Variants in MAGEA11 observed in about 807,000 individuals in gnomAD.
MAGEA11 encodes MAGE family member A11.
Under a neutral mutation model 8.4 loss-of-function variants are expected in MAGEA11, and 1 was observed. The observed-to-expected ratio is 0.12, with a 90% CI of 0.04 to 0.57. MAGEA11 has a LOEUF of 0.57. Among genes scored for constraint, MAGEA11 ranks in the 20% least tolerant of loss-of-function variants. The probability of loss-of-function intolerance (pLI) is 0.91; values close to 1 mark genes in which losing one functional copy is unlikely to be tolerated. For synonymous variants in MAGEA11, 127 were observed against 119.3 expected (o/e 1.06, Z -0.42); for missense variants, 209 against 317.3 (o/e 0.66, Z 2.59).
chrX:149,700,602 A>G (rs1178027358), intron 1 of MAGEA11, among the ~76,000 whole-genome samples: 14 of 109,292 alleles, frequency 1.3e-4, no homozygotes, highest in Non-Finnish European at 2.7e-4. Flanking sequence ...TTTAGGGTAC[A>G]TGTGCACATT....
intron 1 of MAGEA11, among the ~76,000 whole-genome samples, chrX:149,691,175 G>C (rs1557360111): frequency 9.1e-6 from 1 of 110,188 alleles, no homozygotes; most frequent in African/African-American, 3.3e-5. Flanking sequence ...TTTTTTTTTA[G>C]TTTATTAGAT....
At chrX:149,710,356 G>C (rs2046816893), upstream of MAGEA11, among the ~76,000 whole-genome samples, 1 of 112,365 alleles carries the variant, frequency 8.9e-6, no homozygotes, top group Admixed American at 9.4e-5. Context: ...TGCAAAGATG[G>C]CAATTCTATT....
rs781929698 is a variant in MAGEA11, at chrX:149,713,115, T to A, written c.-17-28T>A. On this transcript the variant is annotated intron_variant, in intron 1 of 4. Coordinates refer to ENST00000355220, the MANE Select transcript of MAGEA11 (RefSeq NM_005366.5). ...ACAGCCCCCCCCCATAGTCCCGCCG[T>A]CTCAAACTGAGGTGCCTTTTCATTC... 7 of 1,033,526 alleles carry A rather than the reference T, an allele frequency of 6.8e-6. No homozygotes were observed. The Admixed American group carries it at 1.5e-4, about 23-fold the overall frequency. 85.2% of individuals were successfully genotyped at this position (1,033,526 alleles called of 1,213,427 possible). A position where few individuals can be genotyped will look rare whatever the true frequency, so the allele number is the denominator to read the frequency against.
chrX:149,691,524 C>A (rs956734884), intron 1 of MAGEA11, among the ~76,000 whole-genome samples: 1 of 111,462 alleles, frequency 9.0e-6, no homozygotes, highest in Non-Finnish European at 1.9e-5. Context: ...GCATTTTTTT[C>A]AAGTCTTGCT....
intron 1 of MAGEA11, chrX:149,688,999 A>C: frequency 1.9e-6 from 2 of 1,026,684 alleles, no homozygotes; most frequent in Non-Finnish European, 2.6e-6. Context: ...GGGAATGTGC[A>C]TCTGCAAGGA....
chrX:149,712,096 G>A lies in MAGEA11; in HGVS notation c.-84G>A. ...CCTCTGGGATCTGAGAGAAGCGAAA[G>A]CGTCTTTCTGAGGGGTGTCTTGAGA... On this transcript the variant is annotated 5_prime_UTR_variant, in exon 1 of 5. Transcript: ENST00000355220. 1 of 753,019 alleles carries A rather than the reference G, an allele frequency of 1.3e-6. No individual in the cohort carries two copies. Among genetic ancestry groups the A allele is most frequent in the Non-Finnish European group, 1.6e-6 (1 of 638,379 alleles). 62.1% of individuals were successfully genotyped at this position (753,019 alleles called of 1,213,427 possible).
chrX:149,694,205 T>C (rs1557360367), intron 1 of MAGEA11, among the ~76,000 whole-genome samples: 1 of 112,387 alleles, frequency 8.9e-6, no homozygotes, highest in Non-Finnish European at 1.9e-5. Flanking sequence ...TTCTAATTTC[T>C]GTATATCCTT....
At chrX:149,710,464 T>C (rs186211925), upstream of MAGEA11, among the ~76,000 whole-genome samples, 1 of 111,469 alleles carries the variant, frequency 9.0e-6, no homozygotes, top group East Asian at 2.8e-4. Context: ...GTTTTGTTTT[T>C]TTGAGACAGG....
At chrX:149,689,654 C>A (rs782308788) in intron 1 of MAGEA11, among the ~76,000 whole-genome samples, 1 of 112,462 alleles carries the variant, frequency 8.9e-6, no homozygotes, top group Non-Finnish European at 1.9e-5. Context: ...TGCTAGAAGA[C>A]CTTCCTCAAA....
chrX:149,703,553 A>G (rs2090363016), intron 1 of MAGEA11, among the ~76,000 whole-genome samples: 1 of 111,145 alleles, frequency 9.0e-6, no homozygotes, highest in African/African-American at 3.3e-5. Flanking sequence ...CTTCAAAGCA[A>G]CTCTCACAGA....
At chrX:149,713,456 C>T in intron 2 of MAGEA11, 3 of 362,572 alleles carry the variant, frequency 8.3e-6, no homozygotes, top group Admixed American at 1.1e-4. Context: ...TGCCATCGGT[C>T]CTTGGAGGCC....
At chrX:149,710,646 T>C (rs78494363), upstream of MAGEA11, among the ~76,000 whole-genome samples, 1 of 110,084 alleles carries the variant, frequency 9.1e-6, no homozygotes, top group South Asian at 3.9e-4. Flanking sequence ...TTTCTTTTTC[T>C]TTCTTTCTTT....
upstream of MAGEA11, among the ~76,000 whole-genome samples, chrX:149,710,545 C>T (rs2090395152): frequency 9.0e-6 from 1 of 111,599 alleles, no homozygotes; most frequent in Non-Finnish European, 1.9e-5. Flanking sequence ...ACATCCTGGG[C>T]TCCAGTGATC....
intron 1 of MAGEA11, among the ~76,000 whole-genome samples, chrX:149,700,671 A>C (rs1367334763): frequency 5.5e-5 from 6 of 108,814 alleles, no homozygotes; most frequent in Non-Finnish European, 1.1e-4. Context: ...CCCATTAACT[A>C]GTCATTTAGC....
intron 1 of MAGEA11, among the ~76,000 whole-genome samples, chrX:149,700,735 T>TC (rs1557360938): frequency 2.3e-5 from 2 of 88,820 alleles, no homozygotes; most frequent in Non-Finnish European, 2.2e-5. Context: ...CCCACAACAG[T>TC]CCCCAGAGTG....
chrX:149,697,866 GT>G (rs1411356450), intron 1 of MAGEA11, among the ~76,000 whole-genome samples: 4 of 111,602 alleles, frequency 3.6e-5, no homozygotes, highest in Non-Finnish European at 5.6e-5. Context: ...TACTGACTGA[GT>G]TTTCACAAGA....
At chrX:149,693,107 C>G (rs1489911295) in intron 1 of MAGEA11, among the ~76,000 whole-genome samples, 1 of 112,320 alleles carries the variant, frequency 8.9e-6, no homozygotes, top group African/African-American at 3.2e-5. Flanking sequence ...ATGTAGTCAG[C>G]AGTTAGGTCA....
upstream of MAGEA11, among the ~76,000 whole-genome samples, chrX:149,711,226 G>A (rs1188625839): frequency 3.6e-5 from 4 of 112,506 alleles, no homozygotes; most frequent in African/African-American, 1.3e-4. Context: ...TTGACCATTA[G>A]AGTGAAATAG....
chrX:149,699,299 T>A (rs1557360804), intron 1 of MAGEA11, among the ~76,000 whole-genome samples: 1 of 112,145 alleles, frequency 8.9e-6, no homozygotes. Context: ...TTTGGAGCTC[T>A]GAAGCAAAGA....
Sources: gnomAD v4.1 joint callset for allele counts (sites outside exome capture counted in the v4.1 genomes callset) on GRCh38, gnomAD v4.1.1 for gene constraint, MANE v1.5 for transcripts, NCBI Gene and HGNC (gene_info 2026-07-23, HGNC 2026-07-21) for gene names.